ESR2: variants seen among roughly 807,000 people sequenced by gnomAD.
ESR2 encodes estrogen receptor 2.
A neutral mutation model predicts 49.6 loss-of-function variants in ESR2; 36 were observed. The observed-to-expected ratio is 0.73, with a 90% CI of 0.56 to 0.96. The LOEUF is 0.96. Among genes scored for constraint, ESR2 ranks in the 40% least tolerant of loss-of-function variants. The probability of loss-of-function intolerance (pLI) is 0.00; values close to 1 mark genes in which losing one functional copy is unlikely to be tolerated. For synonymous variants in ESR2, 320 were observed against 266.1 expected (o/e 1.20, Z -1.97); for missense variants, 714 against 693.0 (o/e 1.03, Z -0.34).
intron 6 of ESR2, among the ~76,000 whole-genome samples, chr14:64,253,636 C>A (rs1481114782): frequency 6.1e-5 from 9 of 148,148 alleles, no homozygotes; most frequent in African/African-American, 2.0e-4. Context: ...ATATATATAT[C>A]TCTGCTCGCA....
chr14:64,270,581 A>G (rs2076422948), intron 3 of ESR2, among the ~76,000 whole-genome samples: 1 of 151,762 alleles, frequency 6.6e-6, no homozygotes. Flanking sequence ...CACGATCTCG[A>G]CTCACTGCAA....
At position 64,268,778 on chromosome 14, in the gene ESR2, G is replaced by T. The variant is rs3742614; in HGVS notation, c.652+17C>A. On this transcript the variant is annotated intron_variant, in intron 4 of 8. Coordinates refer to ENST00000341099, the MANE Select transcript of ESR2 (RefSeq NM_001437.3). ...TAGCAAGGCCCATATTCAATAAGAA[G>T]GGAAGCAAGCACTCACCACACTTCA... 1.4e-6 allele frequency: 2 copies of T among 1,473,138 alleles called. No individual in the cohort carries two copies. Among genetic ancestry groups the T allele is most frequent in the East Asian group, 4.5e-5 (2 of 44,204 alleles). 91.3% of individuals were successfully genotyped at this position (1,473,138 alleles called of 1,614,324 possible).
At chr14:64,281,770 T>A (rs2076673709) in intron 2 of ESR2, among the ~76,000 whole-genome samples, 1 of 152,240 alleles carries the variant, frequency 6.6e-6, no homozygotes, top group African/African-American at 2.4e-5. Flanking sequence ...CTTTTTAACT[T>A]CAGGGAATGT....
At chr14:64,247,503 C>A (rs1021587707) in intron 7 of ESR2, among the ~76,000 whole-genome samples, 2 of 152,120 alleles carry the variant, frequency 1.3e-5, no homozygotes, top group Admixed American at 6.6e-5. Context: ...GATTTAAAGA[C>A]CGTAGTATAA....
intron 1 of ESR2, among the ~76,000 whole-genome samples, chr14:64,326,368 C>T (rs1036001447): frequency 1.7e-4 from 26 of 152,168 alleles, no homozygotes; most frequent in Admixed American, 1.4e-3. Flanking sequence ...AGTAGATGAT[C>T]GATCCAATAA....
At chr14:64,244,532 G>A (rs544217900) in intron 7 of ESR2, among the ~76,000 whole-genome samples, 31 of 152,164 alleles carry the variant, frequency 2.0e-4, no homozygotes, top group Middle Eastern at 3.4e-3. Flanking sequence ...TCTCTCTCTC[G>A]GAGCTGGAAC....
intron 1 of ESR2, among the ~76,000 whole-genome samples, chr14:64,288,259 T>A (rs1201731560): frequency 6.6e-6 from 1 of 152,080 alleles, no homozygotes. Flanking sequence ...AAAAAAGTAG[T>A]ATTTAAAATT....
intron 7 of ESR2, 74 bp from the exon 8 acceptor site, chr14:64,235,224 G>A (rs2075569972): frequency 6.6e-7 from 1 of 1,510,174 alleles, no homozygotes; most frequent in Non-Finnish European, 9.0e-7. Flanking sequence ...GCTGTTCCGT[G>A]CGCCTGCTCC....
At chr14:64,246,589 T>C (rs1292495798) in intron 7 of ESR2, among the ~76,000 whole-genome samples, 1 of 151,828 alleles carries the variant, frequency 6.6e-6, no homozygotes, top group Non-Finnish European at 1.5e-5. Context: ...TAGCCAGGCA[T>C]GGTGGCATGC....
At chr14:64,276,448 T>A (rs886828886) in intron 3 of ESR2, among the ~76,000 whole-genome samples, 1 of 152,220 alleles carries the variant, frequency 6.6e-6, no homozygotes, top group East Asian at 1.9e-4. Context: ...AAGGTTTTTT[T>A]CTTTTTGATA....
chr14:64,316,594 A>C (rs2077258679), intron 1 of ESR2, among the ~76,000 whole-genome samples: 1 of 151,960 alleles, frequency 6.6e-6, no homozygotes, highest in South Asian at 2.1e-4. Context: ...GGATCACTTG[A>C]GGTCAGGAGT....
chr14:64,257,368 G>C lies in ESR2; in HGVS notation c.953-4C>G, dbSNP rs1305495762. 1.2e-5 allele frequency: 19 copies of C among 1,612,512 alleles called. No homozygotes were observed. Among genetic ancestry groups the C allele is most frequent in the South Asian group, 1.1e-5 (1 of 91,002 alleles). On this transcript the variant is annotated splice_region_variant and splice_polypyrimidine_tract_variant and intron_variant, in intron 5 of 8. Coordinates refer to ENST00000341099, the MANE Select transcript of ESR2 (RefSeq NM_001437.3). ...AACAGGCTGAGCTCCACAAAGCCTGGGGAAAGCAAGAGGCGGTGAGACACC... is the reference window on the plus strand; with the variant it reads ...AACAGGCTGAGCTCCACAAAGCCTGCGGAAAGCAAGAGGCGGTGAGACACC...
chr14:64,243,430 C>A (rs535159752), intron 7 of ESR2, among the ~76,000 whole-genome samples: 1 of 152,314 alleles, frequency 6.6e-6, no homozygotes, highest in Admixed American at 6.5e-5. Context: ...AAAAATGGTA[C>A]TAACAGACTT....
At chr14:64,310,981 C>A (rs1193495098) in intron 1 of ESR2, among the ~76,000 whole-genome samples, 1 of 152,166 alleles carries the variant, frequency 6.6e-6, no homozygotes, top group East Asian at 1.9e-4. Context: ...TGTTCCTGGT[C>A]ATTTTCTGTC....
At chr14:64,227,436 A>C (rs551321938), downstream of ESR2, 431 of 1,404,966 alleles carry the variant, frequency 3.1e-4, no homozygotes, top group African/African-American at 5.7e-3. Flanking sequence ...TCTTTCTTTA[A>C]AATTATTTTT....
In ESR2 at chr14:64,258,811, G is replaced by A. The variant is rs79463444; in HGVS notation, c.953-1447C>T. On this transcript the variant is annotated intron_variant, in intron 5 of 8. Coordinates refer to ENST00000341099, the MANE Select transcript of ESR2 (RefSeq NM_001437.3). ...AATAAGCCTACCCAAGAGAGATCAC[G>A]GTTCTTAATCTTGTAGATATTCAAC... 4.3e-3 allele frequency among the ~76,000 whole-genome samples: 656 copies of A among 152,200 alleles called. 12 individuals are homozygous for A. In the East Asian group the frequency reaches 0.058, roughly 13 times the overall value.
chr14:64,293,038 A>C (rs1228426266), intron 1 of ESR2, among the ~76,000 whole-genome samples: 2 of 152,200 alleles, frequency 1.3e-5, no homozygotes, highest in African/African-American at 4.8e-5. Context: ...ATGCAATCCT[A>C]CGGTGTATAC....
chr14:64,266,933 T>C (rs541275017), intron 4 of ESR2, among the ~76,000 whole-genome samples: 2 of 152,138 alleles, frequency 1.3e-5, no homozygotes, highest in East Asian at 3.9e-4. Flanking sequence ...CAGGCTGGAG[T>C]GTAGTGGCGC....
intron 8 of ESR2, chr14:64,234,744 C>G (rs185038899): frequency 3.3e-5 from 32 of 972,718 alleles, no homozygotes; most frequent in Non-Finnish European, 4.5e-5. Context: ...AACCCATGAG[C>G]CACCACTGGC....
Sources: gnomAD v4.1 joint callset for allele counts (sites outside exome capture counted in the v4.1 genomes callset) on GRCh38, gnomAD v4.1.1 for gene constraint, MANE v1.5 for transcripts, NCBI Gene and HGNC (gene_info 2026-07-23, HGNC 2026-07-21) for gene names.